The following DIAPH3 variants were observed in gnomAD, a reference collection of about 807,000 sequenced individuals.
The protein encoded by DIAPH3 is diaphanous related formin 3.
In DIAPH3, 117 loss-of-function variants were observed where a neutral mutation model predicts 144.3. The ratio of observed to expected loss-of-function variants is 0.81; its 90% confidence interval spans 0.70 to 0.95. The LOEUF (loss-of-function observed/expected upper bound fraction) is 0.95, where lower values mean the gene tolerates loss of function less well. Ranked by LOEUF, DIAPH3 falls within the 40% of genes least tolerant of loss-of-function variation. The probability of loss-of-function intolerance (pLI) is 0.00; values close to 1 mark genes in which losing one functional copy is unlikely to be tolerated. For synonymous variants in DIAPH3, 519 were observed against 488.9 expected (o/e 1.06, Z -0.81); for missense variants, 1,421 against 1,412.7 (o/e 1.01, Z -0.09).
At chr13:59,703,561 T>A (rs997190559) in intron 27 of DIAPH3, among the ~76,000 whole-genome samples, 1 of 152,198 alleles carries the variant, frequency 6.6e-6, no homozygotes, top group Non-Finnish European at 1.5e-5. Context: ...CTTAATTTTA[T>A]AGTTTGTATT....
At chr13:59,801,899 C>T (rs2039918414) in intron 25 of DIAPH3, among the ~76,000 whole-genome samples, 1 of 152,114 alleles carries the variant, frequency 6.6e-6, no homozygotes, top group East Asian at 1.9e-4. Context: ...TGCTTAATTT[C>T]CCCAGTCTGC....
intron 4 of DIAPH3, among the ~76,000 whole-genome samples, chr13:60,076,167 C>G (rs1025211188): frequency 6.6e-6 from 1 of 152,188 alleles, no homozygotes; most frequent in Admixed American, 6.5e-5. Flanking sequence ...GCCTTTAGAA[C>G]CTAGCAGAGT....
intron 21 of DIAPH3, among the ~76,000 whole-genome samples, chr13:59,872,616 C>T (rs1362470689): frequency 2.6e-5 from 4 of 152,210 alleles, no homozygotes; most frequent in Non-Finnish European, 4.4e-5. Context: ...AGAAACAATG[C>T]AGACCCTTGA....
At chr13:60,026,446 T>C (rs2054379489) in intron 5 of DIAPH3, among the ~76,000 whole-genome samples, 1 of 152,202 alleles carries the variant, frequency 6.6e-6, no homozygotes, top group Non-Finnish European at 1.5e-5. Context: ...TTCAGATTGC[T>C]CTGCCAGAGC....
intron 12 of DIAPH3, among the ~76,000 whole-genome samples, chr13:59,986,708 A>C (rs796108122): frequency 6.8e-6 from 1 of 146,928 alleles, no homozygotes; most frequent in East Asian, 2.0e-4. Context: ...TATGCAGCCA[A>C]AAAACACATG....
chr13:59,974,540 A>G (rs1177271248), intron 14 of DIAPH3, 84 bp from the exon 15 acceptor site: 8 of 1,136,514 alleles, frequency 7.0e-6, no homozygotes, highest in East Asian at 2.4e-5. Flanking sequence ...GACTCGAATG[A>G]TCTGCCGGTA....
At chr13:60,153,852 A>T (rs1317812574) in intron 1 of DIAPH3, among the ~76,000 whole-genome samples, 1 of 151,838 alleles carries the variant, frequency 6.6e-6, no homozygotes, top group African/African-American at 2.4e-5. Context: ...TATCACAAGA[A>T]TTTTTTTTCC....
intron 23 of DIAPH3, among the ~76,000 whole-genome samples, chr13:59,837,296 T>C (rs960672310): frequency 6.6e-6 from 1 of 152,078 alleles, no homozygotes; most frequent in African/African-American, 2.4e-5. Context: ...CAAAGCATCA[T>C]CCTTCCTGTT....
At chr13:59,682,425 G>C (rs2032993587) in intron 27 of DIAPH3, among the ~76,000 whole-genome samples, 1 of 152,134 alleles carries the variant, frequency 6.6e-6, no homozygotes, top group Non-Finnish European at 1.5e-5. Context: ...GGGCTCAAGT[G>C]ATCCTCCCCC....
intron 4 of DIAPH3, among the ~76,000 whole-genome samples, chr13:60,045,469 G>A (rs2056008810): frequency 6.6e-6 from 1 of 152,130 alleles, no homozygotes; most frequent in African/African-American, 2.4e-5. Context: ...TTGTTCTATA[G>A]GCTATTATCT....
In DIAPH3 at chr13:59,983,797, T is replaced by C. The variant is rs1166779677; in HGVS notation, c.1452A>G (p.Arg484=). ...GMDPDFTYRK[R]LDLDLTQFVD... ...CAAACTGGGTTAAATCTAAATCTAG[T>C]CTTTTTCGATATGTGAAGTCTGGAT... Residue 484 remains arginine, a synonymous_variant, in exon 13 of 28, where the codon AGA becomes AGG. Transcript: ENST00000400324. 6.2e-7 allele frequency: 1 copy of C among 1,607,332 alleles called. No homozygotes were observed. Among genetic ancestry groups the C allele is most frequent in the Admixed American group, 1.7e-5 (1 of 59,704 alleles).
At chr13:60,162,786 C>G (rs1952354264) in intron 1 of DIAPH3, among the ~76,000 whole-genome samples, 1 of 97,272 alleles carries the variant, frequency 1.0e-5, no homozygotes, top group Non-Finnish European at 1.9e-5. Context: ...ATGCTGTACT[C>G]TCTCTCTCTC....
intron 25 of DIAPH3, among the ~76,000 whole-genome samples, chr13:59,781,876 T>C (rs1277911246): frequency 1.3e-5 from 2 of 152,118 alleles, no homozygotes; most frequent in African/African-American, 2.4e-5. Context: ...ATGGGATTAG[T>C]GGCCTTATAA....
chr13:60,071,703 G>A (rs2057213701), intron 4 of DIAPH3, among the ~76,000 whole-genome samples: 1 of 152,082 alleles, frequency 6.6e-6, no homozygotes, highest in Non-Finnish European at 1.5e-5. Context: ...TACATAGTAT[G>A]AACTGGTTCA....
At chr13:59,815,992 G>C (rs1315487286) in intron 24 of DIAPH3, among the ~76,000 whole-genome samples, 2 of 152,050 alleles carry the variant, frequency 1.3e-5, no homozygotes, top group Non-Finnish European at 2.9e-5. Context: ...TTTGGAGTAG[G>C]GTGGAGGGTT....
intron 20 of DIAPH3, among the ~76,000 whole-genome samples, chr13:59,893,976 G>A (rs1049843173): frequency 2.0e-5 from 3 of 152,022 alleles, no homozygotes; most frequent in Admixed American, 6.6e-5. Flanking sequence ...TTGTTTCTAC[G>A]TTAGGACAAG....
At position 60,111,883 on chromosome 13, in the gene DIAPH3, G is replaced by C. The variant is rs1225834; in HGVS notation, c.390+127C>G. 201,638 of 853,534 alleles carry C rather than the reference G, an allele frequency of 0.24. 25,304 individuals are homozygous for C. Among genetic ancestry groups the C allele is most frequent in the South Asian group, 0.27 (16,987 of 63,196 alleles). 52.9% of individuals were successfully genotyped at this position (853,534 alleles called of 1,614,324 possible). A position where few individuals can be genotyped will look rare whatever the true frequency, so the allele number is the denominator to read the frequency against. The stretch of plus-strand genomic sequence containing the variant: ...TCCAAAAACTCTTTGTGGCTGAAGT[G>C]CTATCTTAAGTGACATCAGAAATTA... On this transcript the variant is annotated intron_variant, in intron 3 of 27. Coordinates refer to ENST00000400324, the MANE Select transcript of DIAPH3 (RefSeq NM_001042517.2).
At chr13:59,749,521 A>AG (rs1429251104) in intron 27 of DIAPH3, among the ~76,000 whole-genome samples, 16 of 133,214 alleles carry the variant, frequency 1.2e-4, no homozygotes, top group Non-Finnish European at 1.5e-4. Flanking sequence ...CTCCATCTCA[A>AG]AAAAAAAAAA....
At chr13:59,746,680 T>C (rs1471391175) in intron 27 of DIAPH3, among the ~76,000 whole-genome samples, 1 of 152,248 alleles carries the variant, frequency 6.6e-6, no homozygotes, top group Non-Finnish European at 1.5e-5. Context: ...TGGAGGAATT[T>C]GTTTAAAAAC....
Sources: gnomAD v4.1 joint callset for allele counts (sites outside exome capture counted in the v4.1 genomes callset) on GRCh38, gnomAD v4.1.1 for gene constraint, MANE v1.5 for transcripts, NCBI Gene and HGNC (gene_info 2026-07-23, HGNC 2026-07-21) for gene names.